Variants in CNTNAP2 observed in about 807,000 individuals in gnomAD.
CNTNAP2 encodes contactin-associated protein-like 2.
CNTNAP2 carries 98 observed loss-of-function variants against 155.2 expected under a neutral mutation model. The ratio of observed to expected loss-of-function variants is 0.63; its 90% CI spans 0.54 to 0.75. The LOEUF (loss-of-function observed/expected upper bound fraction) is 0.75, where lower values mean the gene tolerates loss of function less well. Ranked by LOEUF, CNTNAP2 falls within the 30% of genes least tolerant of loss-of-function variation. CNTNAP2 has a pLI of 0.00. For missense variants in CNTNAP2, 1,727 were observed against 1,688.1 expected (o/e 1.02, Z -0.40); for synonymous variants, 651 against 631.2 (o/e 1.03, Z -0.47).
chr7:146,285,617 G>A, intron 1 of CNTNAP2, among the ~76,000 whole-genome samples: 1 of 151,686 alleles, frequency 6.6e-6, no homozygotes, highest in East Asian at 2.0e-4. Context: ...TAGTAGACTA[G>A]AGTTTGCTTC....
At chr7:146,787,041 A>G (rs1396629609) in intron 2 of CNTNAP2, 1 of 152,184 alleles carries the variant, frequency 6.6e-6, no homozygotes, top group East Asian at 1.9e-4. Context: ...CGTGTTCTAT[A>G]ATTTTCTCTA....
At chr7:146,265,648 CG>C (rs1239193293) in intron 1 of CNTNAP2, among the ~76,000 whole-genome samples, 3 of 151,516 alleles carry the variant, frequency 2.0e-5, no homozygotes, top group Non-Finnish European at 4.4e-5. Flanking sequence ...TTTATAGAGA[CG>C]GGGTTTTGCC....
intron 1 of CNTNAP2, among the ~76,000 whole-genome samples, chr7:146,661,879 GA>G (rs1800096025): frequency 6.6e-6 from 1 of 151,946 alleles, no homozygotes. Context: ...AATTTTATGA[GA>G]AAATAACAAA....
chr7:146,792,440 T>C (rs1802691428), intron 2 of CNTNAP2, among the ~76,000 whole-genome samples: 1 of 152,166 alleles, frequency 6.6e-6, no homozygotes, highest in Non-Finnish European at 1.5e-5. Flanking sequence ...ATACCAACAT[T>C]GATCCCTTCA....
rs1585010417 is a variant in CNTNAP2, at chr7:146,620,854, A to G, written c.98-153417A>G. Among the ~76,000 whole-genome samples, 6 of 152,316 alleles carry G rather than the reference A, an allele frequency of 3.9e-5. 1 individual carries two copies. The highest frequency in any genetic ancestry group is 3.9e-4 in the Admixed American group (6 of 15,294). The stretch of plus-strand genomic sequence containing the variant: ...ACTTTCTTTCTTGTAATTAAATTGA[A>G]TAATTTTAAAAATATTTTGAAACCA... On this transcript the variant is annotated intron_variant, in intron 1 of 23. Transcript: ENST00000361727.
In CNTNAP2 at chr7:147,083,762, G is replaced by C. The variant is rs149432217; in HGVS notation, c.551-24385G>C. Among the ~76,000 whole-genome samples, 214 of 138,104 alleles carry C rather than the reference G, an allele frequency of 1.5e-3. 3 individuals are homozygous for C. The highest frequency in any genetic ancestry group is 4.9e-3 in the African/African-American group (187 of 38,024). 90.6% of individuals were successfully genotyped at this position (138,104 alleles called of 152,430 possible). A position where few individuals can be genotyped will look rare whatever the true frequency, so the allele number is the denominator to read the frequency against. ...ATATGCTATATATAGGATTATATAT[G>C]TGTATACACATATATGTATATATTA... is the stretch of plus-strand genomic sequence containing the variant. On this transcript the variant is annotated intron_variant, in intron 4 of 23. Transcript: ENST00000361727.
rs58086860 is a variant in CNTNAP2 at position 148,281,835 on chromosome 7, C to CTTTTTT, written c.3475+14723_3475+14728dup. Among the ~76,000 whole-genome samples, 15 of 123,476 alleles carry CTTTTTT rather than the reference C, an allele frequency of 1.2e-4. 1 individual carries two copies. The highest frequency in any genetic ancestry group is 2.7e-4 in the South Asian group (1 of 3,664). The allele number at this position is 123,476 out of a possible 152,430, so 81.0% of individuals were successfully genotyped here. A position where few individuals can be genotyped will look rare whatever the true frequency, so the allele number is the denominator to read the frequency against. On this transcript the variant is annotated intron_variant, in intron 21 of 23. Transcript: ENST00000361727. ...CATAGCTGGTACTTCACAACGTTTCCTTTTTTTTTTTTTTTTTTTGAGACG... is the reference window on the plus strand; with the variant it reads ...CATAGCTGGTACTTCACAACGTTTCCTTTTTTTTTTTTTTTTTTTTTTTTTGAGACG...
At chr7:147,535,305 T>C (rs1381798823) in intron 11 of CNTNAP2, among the ~76,000 whole-genome samples, 1 of 152,038 alleles carries the variant, frequency 6.6e-6, no homozygotes, top group East Asian at 1.9e-4. Flanking sequence ...GGCAGGAGAA[T>C]TGCTTGAACC....
chr7:147,610,841 C>T (rs559115920), intron 12 of CNTNAP2, among the ~76,000 whole-genome samples: 86 of 152,196 alleles, frequency 5.7e-4, no homozygotes, highest in Middle Eastern at 3.4e-3. Flanking sequence ...TGGGCTCAAG[C>T]GATTCTCCCA....
At chr7:147,483,423 A>C (rs1444976403) in intron 10 of CNTNAP2, among the ~76,000 whole-genome samples, 2 of 152,126 alleles carry the variant, frequency 1.3e-5, no homozygotes, top group Non-Finnish European at 2.9e-5. Flanking sequence ...TGTATTCATT[A>C]ATCTCACTTG....
intron 15 of CNTNAP2, among the ~76,000 whole-genome samples, chr7:148,064,740 G>A (rs1803222727): frequency 6.7e-6 from 1 of 149,612 alleles, no homozygotes; most frequent in South Asian, 2.1e-4. Flanking sequence ...ATCTCTACAA[G>A]GAAAACTACA....
chr7:147,295,654 T>C (rs1805426675), intron 8 of CNTNAP2, among the ~76,000 whole-genome samples: 2 of 152,190 alleles, frequency 1.3e-5, no homozygotes, highest in African/African-American at 4.8e-5. Context: ...TTCAGGATAC[T>C]ATTTCTTACA....
intron 13 of CNTNAP2, among the ~76,000 whole-genome samples, chr7:147,806,714 G>A (rs1432116683): frequency 6.6e-6 from 1 of 152,118 alleles, no homozygotes; most frequent in African/African-American, 2.4e-5. Context: ...GTTGGAACTG[G>A]AGGTCATTAT....
intron 21 of CNTNAP2, among the ~76,000 whole-genome samples, chr7:148,282,509 C>T (rs1463427580): frequency 6.6e-6 from 1 of 152,168 alleles, no homozygotes; most frequent in Admixed American, 6.5e-5. Flanking sequence ...ATGTAAAGGG[C>T]TTATCACACA....
intron 21 of CNTNAP2, among the ~76,000 whole-genome samples, chr7:148,332,249 A>G (rs939192383): frequency 2.0e-5 from 3 of 151,756 alleles, no homozygotes; most frequent in East Asian, 3.9e-4. Flanking sequence ...CTGTGAAACT[A>G]TTGTAGAGCA....
chr7:147,282,953 C>T (rs1267213268), intron 8 of CNTNAP2, among the ~76,000 whole-genome samples: 1 of 151,822 alleles, frequency 6.6e-6, no homozygotes, highest in Non-Finnish European at 1.5e-5. Flanking sequence ...AACTTGAAAA[C>T]CCTTAAAAGT....
intron 13 of CNTNAP2, among the ~76,000 whole-genome samples, chr7:147,828,943 C>T (rs10480380): frequency 0.016 from 2,459 of 152,266 alleles, 64 homozygotes; most frequent in African/African-American, 0.055. Context: ...AGAGTCTGTA[C>T]TGCACATAGC....
In CNTNAP2 at chr7:146,663,918, A is replaced by C. The variant is rs1016065240; in HGVS notation, c.98-110353A>C. ...TTAGGACCTCTAGGTGAATGTGGTA[A>C]AAGCAAGCCTCCCTGCTTTCTTCCC... On this transcript the variant is annotated intron_variant, in intron 1 of 23. Transcript: ENST00000361727. 1.6e-4 allele frequency among the ~76,000 whole-genome samples: 25 copies of C among 151,998 alleles called. 1 individual carries two copies. Among genetic ancestry groups the C allele is most frequent in the African/African-American group, 6.0e-4 (25 of 41,378 alleles).
chr7:147,654,919 C>G (rs543406482), intron 13 of CNTNAP2, among the ~76,000 whole-genome samples: 2 of 141,528 alleles, frequency 1.4e-5, no homozygotes, highest in Admixed American at 7.6e-5. Flanking sequence ...CAGGATCAAG[C>G]AATTCTCCTG....
Sources: gnomAD v4.1 joint callset for allele counts (sites outside exome capture counted in the v4.1 genomes callset) on GRCh38, gnomAD v4.1.1 for gene constraint, MANE v1.5 for transcripts, NCBI Gene and HGNC (gene_info 2026-07-23, HGNC 2026-07-21) for gene names.